Variants in NSD2 observed in about 807,000 individuals in gnomAD.
The protein encoded by NSD2 is histone-lysine N-methyltransferase NSD2.
A neutral mutation model predicts 139.0 loss-of-function variants in NSD2; 12 were observed. That is an observed-to-expected ratio of 0.09 (90% confidence interval 0.06 to 0.14). The LOEUF (loss-of-function observed/expected upper bound fraction) is 0.14. Among genes scored for constraint, NSD2 ranks in the 10% least tolerant of loss-of-function variants. NSD2 has a pLI of 1.00. For missense variants in NSD2, 1,155 were observed against 1,745.0 expected (o/e 0.66, Z 6.02); for synonymous variants, 669 against 648.7 (o/e 1.03, Z -0.48).
chr4:1,944,747 A>G (rs1460107691), intron 9 of NSD2: 2 of 1,064,566 alleles, frequency 1.9e-6, no homozygotes, highest in Non-Finnish European at 2.3e-6. Flanking sequence ...GCCTTTATAT[A>G]TCTGCTTCTA....
rs201271995 is a variant in NSD2 at position 1,943,726 on chromosome 4, C to CA, written c.1881+3957dup. On this transcript the variant is annotated intron_variant, in intron 9 of 21. Transcript: ENST00000508803. ...AGCTCAAGAGTAAAATTAAAATTCT[C>CA]AAAAAAAAACCCCACGAAATTTAAA... The CA allele has an allele frequency of 2.7e-3, 2,799 of 1,046,582 alleles. 37 individuals carry two copies. The African/African-American group carries it at 0.033, about 12-fold the overall frequency. The allele number at this position is 1,046,582 out of a possible 1,614,324, so 64.8% of individuals were successfully genotyped here.
At chr4:1,873,712 T>G (rs1714041756) in intron 1 of NSD2, among the ~76,000 whole-genome samples, 1 of 152,228 alleles carries the variant, frequency 6.6e-6, no homozygotes, top group Non-Finnish European at 1.5e-5. Context: ...CTTTTTTTGT[T>G]TGAAGATTCA....
At chr4:1,952,557 G>A (rs1724385651) in intron 11 of NSD2, among the ~76,000 whole-genome samples, 1 of 152,226 alleles carries the variant, frequency 6.6e-6, no homozygotes, top group East Asian at 1.9e-4. Flanking sequence ...CCACCACAGG[G>A]CACTGCCGCT....
chr4:1,960,552 C>T (rs971253737), intron 17 of NSD2, among the ~76,000 whole-genome samples: 3 of 152,214 alleles, frequency 2.0e-5, no homozygotes, highest in Non-Finnish European at 4.4e-5. Context: ...CAGGGCTGAC[C>T]CAGCACAGAG....
In NSD2 at chr4:1,900,886, A is replaced by C; in HGVS notation, c.232A>C (p.Lys78Gln). 6.2e-7 allele frequency: 1 copy of C among 1,613,020 alleles called. No individual in the cohort carries two copies. The highest frequency in any genetic ancestry group is 1.1e-5 in the South Asian group (1 of 90,992). Residue 78 changes from lysine to glutamine, a missense_variant, in exon 2 of 22, where the codon AAG becomes CAG. Physicochemically the swap from Lys to Gln is moderately conservative, Grantham distance 53. Coordinates refer to ENST00000508803, the MANE Select transcript of NSD2 (RefSeq NM_001042424.3). ...HDALPFIPAD[K>Q]LKDLTSRVFN... ...CGCCCTGCCCTTTATTCCAGCCGAC[A>C]AGCTGAAAGATCTTACTTCCCGGGT...
intron 1 of NSD2, among the ~76,000 whole-genome samples, chr4:1,889,747 T>C (rs990824692): frequency 6.6e-5 from 10 of 152,032 alleles, no homozygotes; most frequent in African/African-American, 2.4e-4. Flanking sequence ...CCTCAGGTGA[T>C]ACACCCGCCT....
rs781255847 is a variant in NSD2, at chr4:1,915,111, C to CTTT, written c.761-1740_761-1738dup. Among the ~76,000 whole-genome samples the CTTT allele has an allele frequency of 6.9e-3, 800 of 115,524 alleles. 20 individuals carry two copies. The highest frequency in any genetic ancestry group is 0.014 in the African/African-American group (396 of 28,438). 75.8% of individuals were successfully genotyped at this position (115,524 alleles called of 152,430 possible). On this transcript the variant is annotated intron_variant, in intron 3 of 21. Transcript: ENST00000508803. Reference sequence around the variant, plus strand: ...CTTGTTGAATTTTTTCTTTTTTTCTCTTTTTTTTTTTTTTTTTTTTTTGAG... The same window carrying CTTT: ...CTTGTTGAATTTTTTCTTTTTTTCTCTTTTTTTTTTTTTTTTTTTTTTTTTGAG...
At chr4:1,927,471 A>G (rs1721065831) in intron 5 of NSD2, among the ~76,000 whole-genome samples, 1 of 152,076 alleles carries the variant, frequency 6.6e-6, no homozygotes, top group African/African-American at 2.4e-5. Context: ...TAATCCCAGC[A>G]CTTTGGGAGG....
intron 5 of NSD2, among the ~76,000 whole-genome samples, chr4:1,925,389 C>CTTTTTTTTTT (rs34335852): frequency 1.7e-3 from 63 of 38,012 alleles, no homozygotes; most frequent in South Asian, 2.0e-3. Context: ...CTTTTTCTTT[C>CTTTTTTTTTT]TTTTTTTTTT....
At position 1,956,517 on chromosome 4, in the gene NSD2, T is replaced by C. The variant is rs1437448843; in HGVS notation, c.2881+329T>C. Among the ~76,000 whole-genome samples, 2 of 152,214 alleles carry C rather than the reference T, an allele frequency of 1.3e-5. No individual in the cohort carries two copies. The highest frequency in any genetic ancestry group is 2.9e-5 in the Non-Finnish European group (2 of 68,034). On this transcript the variant is annotated intron_variant, in intron 15 of 21. Coordinates refer to ENST00000508803, the MANE Select transcript of NSD2 (RefSeq NM_001042424.3). The surrounding 1 kb of genome is among the most constrained non-coding windows in gnomAD (Gnocchi z 5.3). ...GATCTGAAGGAAGGGTCCTGTTGTC[T>C]CGACCTTGTGCAGCAGGCTCTTGGG...
chr4:1,967,927 C>T (rs959889453), intron 18 of NSD2, among the ~76,000 whole-genome samples: 2 of 152,144 alleles, frequency 1.3e-5, no homozygotes, highest in Non-Finnish European at 1.5e-5. Context: ...ACAGGCAGCA[C>T]GTGGTCAGTC....
At chr4:1,931,351 A>C (rs1252119692) in intron 6 of NSD2, among the ~76,000 whole-genome samples, 3 of 152,158 alleles carry the variant, frequency 2.0e-5, no homozygotes, top group Admixed American at 2.0e-4. Context: ...TAAAAAAACC[A>C]AAAGTGCTAG....
intron 3 of NSD2, among the ~76,000 whole-genome samples, chr4:1,906,314 C>A (rs923473067): frequency 5.9e-5 from 9 of 152,270 alleles, no homozygotes; most frequent in Admixed American, 5.2e-4. Flanking sequence ...TCTTAGCTCA[C>A]TGCAACCTGT....
chr4:1,951,350 C>T (rs961883707), intron 10 of NSD2, 147 bp downstream of exon 10: 28 of 1,121,096 alleles, frequency 2.5e-5, no homozygotes, highest in African/African-American at 3.1e-5. Flanking sequence ...TTGAAGGGGT[C>T]AGACTGACTC....
Position 1,930,607 on chromosome 4 carries a change from C to T in NSD2, c.1411-19C>T. On this transcript the variant is annotated intron_variant, in intron 5 of 21. Coordinates refer to ENST00000508803, the MANE Select transcript of NSD2 (RefSeq NM_001042424.3). Reference sequence around the variant, plus strand: ...TTTACGGATTTAACTTCTCATTGCACCTTCTCCCGTTCCCACAGGTGGTAG... The same window carrying T: ...TTTACGGATTTAACTTCTCATTGCATCTTCTCCCGTTCCCACAGGTGGTAG... 1.3e-6 allele frequency: 2 copies of T among 1,589,488 alleles called. No homozygotes were observed. Among genetic ancestry groups the T allele is most frequent in the Non-Finnish European group, 1.7e-6 (2 of 1,166,832 alleles).
At chr4:1,885,416 C>T (rs748347782) in intron 1 of NSD2, among the ~76,000 whole-genome samples, 8 of 152,126 alleles carry the variant, frequency 5.3e-5, no homozygotes, top group Non-Finnish European at 1.0e-4. Context: ...GTGATCATTG[C>T]CTTCTCTTTT....
chr4:1,945,551 C>T (rs1302011020), intron 9 of NSD2: 13 of 1,065,254 alleles, frequency 1.2e-5, no homozygotes, highest in South Asian at 9.1e-5. Context: ...AGAAAGTGCT[C>T]CTGAGAAGGC....
At chr4:1,952,275 C>T (rs1724349194) in intron 11 of NSD2, 44 bp downstream of exon 11, 1 of 1,608,510 alleles carries the variant, frequency 6.2e-7, no homozygotes, top group African/African-American at 1.3e-5. Context: ...GGCCGGCCAC[C>T]TGCTCCTGCA....
rs368817154 is a variant in NSD2 at position 1,980,133 on chromosome 4, G to A, written c.*1224G>A. 2.1e-5 allele frequency: 5 copies of A among 233,308 alleles called. No homozygotes were observed. The highest frequency in any genetic ancestry group is 6.0e-5 in the East Asian group (1 of 16,606). 14.5% of individuals were successfully genotyped at this position (233,308 alleles called of 1,614,324 possible). A position where few individuals can be genotyped will look rare whatever the true frequency, so the allele number is the denominator to read the frequency against. On this transcript the variant is annotated 3_prime_UTR_variant, in exon 22 of 22. Coordinates refer to ENST00000508803, the MANE Select transcript of NSD2 (RefSeq NM_001042424.3). ...CCTGCCTGGCAGGTGTGCGTGCCTC[G>A]TACGTGTGTTATGGGCACTGGTCTA...
Sources: allele counts gnomAD v4.1 joint callset (sites outside exome capture counted in the v4.1 genomes callset), GRCh38; gene constraint gnomAD v4.1.1; non-coding constraint Gnocchi (gnomAD v3.1); transcripts MANE v1.5; gene names NCBI Gene and HGNC (gene_info 2026-07-23, HGNC 2026-07-21).